Variants in CTIF observed in about 807,000 individuals in gnomAD.
CTIF encodes cap binding complex dependent translation initiation factor.
A neutral mutation model predicts 66.0 loss-of-function variants in CTIF; 21 were observed. The ratio of observed to expected loss-of-function variants is 0.32; its 90% CI spans 0.23 to 0.46. CTIF has a LOEUF of 0.46. Among genes scored for constraint, CTIF ranks in the 20% least tolerant of loss-of-function variants. CTIF has a pLI of 1.00. For synonymous variants in CTIF, 345 were observed against 326.4 expected (o/e 1.06, Z -0.62); for missense variants, 739 against 812.7 (o/e 0.91, Z 1.10).
chr18:48,615,542 G>T (rs1344078735), intron 1 of CTIF, among the ~76,000 whole-genome samples: 1 of 152,228 alleles, frequency 6.6e-6, no homozygotes, highest in Admixed American at 6.5e-5. Context: ...GACAAGTGAG[G>T]GGGGCTAGGG....
intron 5 of CTIF, among the ~76,000 whole-genome samples, chr18:48,664,796 C>G (rs914949841): frequency 6.6e-6 from 1 of 152,284 alleles, no homozygotes; most frequent in South Asian, 2.1e-4. Context: ...AGTGGCCCTG[C>G]TTGTCAGTAA....
chr18:48,817,469 G>A, intron 10 of CTIF, 93 bp downstream of exon 10: 1 of 1,465,462 alleles, frequency 6.8e-7, no homozygotes, highest in East Asian at 2.3e-5. Context: ...GTGAGGGTAG[G>A]CTCACTTAGA....
intron 3 of CTIF, among the ~76,000 whole-genome samples, chr18:48,658,594 T>C (rs905488932): frequency 5.9e-5 from 9 of 152,186 alleles, no homozygotes; most frequent in African/African-American, 1.7e-4. Context: ...ATACCATGCA[T>C]GTGTGTGTAT....
At chr18:48,596,094 G>A (rs548467615) in intron 1 of CTIF, among the ~76,000 whole-genome samples, 1 of 152,320 alleles carries the variant, frequency 6.6e-6, no homozygotes, top group South Asian at 2.1e-4. Context: ...AGTCAAGGGA[G>A]GAGATTACAC....
intron 1 of CTIF, among the ~76,000 whole-genome samples, chr18:48,545,961 C>T (rs950633541): frequency 2.6e-5 from 4 of 152,122 alleles, no homozygotes; most frequent in South Asian, 2.1e-4. Context: ...CAGCCAAGAG[C>T]GTGTTTCAGC....
At chr18:48,725,413 C>T (rs1397042583) in intron 7 of CTIF, among the ~76,000 whole-genome samples, 1 of 152,118 alleles carries the variant, frequency 6.6e-6, no homozygotes, top group Non-Finnish European at 1.5e-5. Context: ...TCCCAACGCC[C>T]CTCCTAGGAT....
intron 6 of CTIF, among the ~76,000 whole-genome samples, chr18:48,702,298 A>G (rs774996340): frequency 1.3e-5 from 2 of 152,198 alleles, no homozygotes; most frequent in Non-Finnish European, 2.9e-5. Flanking sequence ...CTGGAACCGC[A>G]GTGCTGTGCA....
intron 1 of CTIF, among the ~76,000 whole-genome samples, chr18:48,608,423 G>A (rs576799372): frequency 9.9e-5 from 15 of 152,280 alleles, no homozygotes; most frequent in African/African-American, 2.9e-4. Context: ...CAGCACAGGC[G>A]GTAGCAATCT....
At chr18:48,751,296 G>A (rs977990536) in intron 7 of CTIF, among the ~76,000 whole-genome samples, 7 of 152,298 alleles carry the variant, frequency 4.6e-5, no homozygotes, top group East Asian at 1.9e-4. Context: ...ACTGGGTTCC[G>A]CTCATTATGT....
At chr18:48,823,329 A>T (rs1391294065) in intron 10 of CTIF, among the ~76,000 whole-genome samples, 1 of 151,784 alleles carries the variant, frequency 6.6e-6, no homozygotes, top group Admixed American at 6.6e-5. Flanking sequence ...ATCCATTTTG[A>T]GTTGATTTTT....
At position 48,658,552 on chromosome 18, in the gene CTIF, G is replaced by A. The variant is rs559144458; in HGVS notation, c.253-5200G>A. On this transcript the variant is annotated intron_variant, in intron 3 of 11. Coordinates refer to ENST00000256413, the MANE Select transcript of CTIF (RefSeq NM_014772.3). ...GTGGTGTGTACGTGTGTATATGTACGTGTGGCACACATTGTGTGGATGTGT... is the reference window on the plus strand; with the variant it reads ...GTGGTGTGTACGTGTGTATATGTACATGTGGCACACATTGTGTGGATGTGT... 5.3e-5 allele frequency among the ~76,000 whole-genome samples: 8 copies of A among 152,092 alleles called. No homozygotes were observed. The South Asian group carries it at 8.3e-4, about 16-fold the overall frequency.
chr18:48,740,335 T>A (rs1380902008), intron 7 of CTIF, among the ~76,000 whole-genome samples: 1 of 152,186 alleles, frequency 6.6e-6, no homozygotes, highest in Non-Finnish European at 1.5e-5. Context: ...CCCTTCCCCC[T>A]ACCATCGACC....
intron 2 of CTIF, 31 bp downstream of exon 2, chr18:48,619,776 G>T (rs537346191): frequency 6.7e-7 from 1 of 1,489,728 alleles, no homozygotes; most frequent in Non-Finnish European, 9.0e-7. Flanking sequence ...GGGGCAGCTT[G>T]GGAAATTCAG....
At chr18:48,786,528 A>G (rs1172259077) in intron 9 of CTIF, among the ~76,000 whole-genome samples, 1 of 152,248 alleles carries the variant, frequency 6.6e-6, no homozygotes, top group Non-Finnish European at 1.5e-5. Context: ...TAAATGAGAC[A>G]GTGCATATCA....
chr18:48,713,957 C>T (rs1288326405), intron 7 of CTIF, among the ~76,000 whole-genome samples: 2 of 152,208 alleles, frequency 1.3e-5, no homozygotes, highest in African/African-American at 2.4e-5. Context: ...CGGTAGAATC[C>T]GTTACTCACT....
Position 48,608,585 on chromosome 18 carries a change from A to T in CTIF, c.-28-10953A>T, listed in dbSNP as rs1306656027. On this transcript the variant is annotated intron_variant, in intron 1 of 11. Coordinates refer to ENST00000256413, the MANE Select transcript of CTIF (RefSeq NM_014772.3). Reference sequence around the variant, plus strand: ...TGGGCCGGTCAGGGTGGCATCTAAGAGGTGGGCTTGAGCTGTTCTTGAGGA... The same window carrying T: ...TGGGCCGGTCAGGGTGGCATCTAAGTGGTGGGCTTGAGCTGTTCTTGAGGA... Among the ~76,000 whole-genome samples, 7 of 152,234 alleles carry T rather than the reference A, an allele frequency of 4.6e-5. No homozygotes were observed. In the East Asian group the frequency reaches 1.4e-3, roughly 29 times the overall value.
intron 10 of CTIF, among the ~76,000 whole-genome samples, chr18:48,842,366 T>C (rs1029113589): frequency 6.6e-6 from 1 of 152,118 alleles, no homozygotes; most frequent in Admixed American, 6.5e-5. Context: ...TGGTGAGTAT[T>C]ATTCCCGTTT....
At chr18:48,843,274 G>A (rs759433016) in intron 10 of CTIF, among the ~76,000 whole-genome samples, 8 of 152,108 alleles carry the variant, frequency 5.3e-5, no homozygotes, top group Non-Finnish European at 1.2e-4. Context: ...GGGGCTGGGC[G>A]TAACTGCTCT....
chr18:48,629,695 A>C (rs2090667895), intron 2 of CTIF, among the ~76,000 whole-genome samples: 1 of 150,442 alleles, frequency 6.6e-6, no homozygotes. Context: ...TATTGTGTTT[A>C]ATATCAGTCA....
Sources: gnomAD v4.1 joint callset for allele counts (sites outside exome capture counted in the v4.1 genomes callset) on GRCh38, gnomAD v4.1.1 for gene constraint, MANE v1.5 for transcripts, NCBI Gene and HGNC (gene_info 2026-07-23, HGNC 2026-07-21) for gene names.